Variants in GRIN2B observed in about 807,000 individuals in gnomAD.
GRIN2B encodes glutamate receptor ionotropic, NMDA 2B.
A neutral mutation model predicts 114.5 loss-of-function variants in GRIN2B; 5 were observed. The observed-to-expected ratio is 0.04, with a 90% CI of 0.02 to 0.09. The LOEUF (loss-of-function observed/expected upper bound fraction) is 0.09. GRIN2B is among the 10% of genes least tolerant of loss of function. The pLI, the probability that GRIN2B is intolerant of heterozygous loss-of-function variation, is 1.00. For synonymous variants in GRIN2B, 787 were observed against 745.1 expected (o/e 1.06, Z -0.92); for missense variants, 1,108 against 1,943.5 (o/e 0.57, Z 8.08).
chr12:13,947,098 C>G (rs977418262), intron 2 of GRIN2B, among the ~76,000 whole-genome samples: 2 of 152,124 alleles, frequency 1.3e-5, no homozygotes, highest in African/African-American at 4.8e-5. Flanking sequence ...AACATTAAGT[C>G]CTTTAAAATG....
chr12:13,972,744 C>T (rs1047266844), intron 2 of GRIN2B, among the ~76,000 whole-genome samples: 5 of 152,218 alleles, frequency 3.3e-5, no homozygotes, highest in Non-Finnish European at 7.3e-5. Context: ...GAGGAGGACA[C>T]GTAACCTCCA....
At chr12:13,607,376 A>ATATATAAAATATATATTATATAT (rs1565473767) in intron 10 of GRIN2B, among the ~76,000 whole-genome samples, 1 of 36,280 alleles carries the variant, frequency 2.8e-5, no homozygotes, top group Non-Finnish European at 5.5e-5. Context: ...ATTATATATT[A>ATATATAAAATATATATTATATAT]TATATATAAT....
At chr12:13,762,295 G>A (rs1040309119) in intron 3 of GRIN2B, among the ~76,000 whole-genome samples, 2 of 152,044 alleles carry the variant, frequency 1.3e-5, no homozygotes, top group Non-Finnish European at 2.9e-5. Flanking sequence ...AAGCCACCGC[G>A]CCCAGCCATC....
chr12:13,928,242 G>T (rs1172083567), intron 2 of GRIN2B, among the ~76,000 whole-genome samples: 1 of 150,818 alleles, frequency 6.6e-6, no homozygotes, highest in Non-Finnish European at 1.5e-5. Context: ...GGTAGAGGTT[G>T]TGATGAGCTG....
chr12:13,559,019 G>A lies in GRIN2B; in HGVS notation c.*3764C>T, dbSNP rs939220691. On this transcript the variant is annotated 3_prime_UTR_variant, in exon 14 of 14. Coordinates refer to ENST00000609686, the MANE Select transcript of GRIN2B (RefSeq NM_000834.5). ...ATTCTGAAGAACATGGGAATATTAG[G>A]TGCTCCTGAGGGTATCTGCGGAATC... 1.3e-5 allele frequency: 2 copies of A among 152,204 alleles called. No individual in the cohort carries two copies. The highest frequency in any genetic ancestry group is 4.8e-5 in the African/African-American group (2 of 41,424). The allele number at this position is 152,204 out of a possible 1,614,324, so 9.4% of individuals were successfully genotyped here. A position where few individuals can be genotyped will look rare whatever the true frequency, so the allele number is the denominator to read the frequency against.
intron 4 of GRIN2B, among the ~76,000 whole-genome samples, chr12:13,678,001 T>C (rs1950091878): frequency 1.3e-5 from 2 of 152,164 alleles, no homozygotes; most frequent in Admixed American, 1.3e-4. Flanking sequence ...CTGACAGCAA[T>C]AACTTATGCA....
rs184667142 is a variant in GRIN2B at position 13,801,116 on chromosome 12, A to G, written c.412-47201T>C. On this transcript the variant is annotated intron_variant, in intron 3 of 13. Transcript: ENST00000609686. ...AGGCAAACAATACGTACAATTTGTA[A>G]TAAACCAAAACCTGCCATATCAACA... 2.0e-5 allele frequency among the ~76,000 whole-genome samples: 3 copies of G among 152,286 alleles called. No homozygotes were observed. The East Asian group carries it at 5.8e-4, about 29-fold the overall frequency.
chr12:13,600,200 C>T (rs1949137211), intron 10 of GRIN2B, among the ~76,000 whole-genome samples: 1 of 152,088 alleles, frequency 6.6e-6, no homozygotes, highest in South Asian at 2.1e-4. Context: ...TACCTCCCTC[C>T]CTCCCTTCCT....
At chr12:13,855,928 A>G (rs1224671571) in intron 3 of GRIN2B, among the ~76,000 whole-genome samples, 5 of 152,194 alleles carry the variant, frequency 3.3e-5, no homozygotes, top group Non-Finnish European at 7.3e-5. Context: ...ACCTGACACT[A>G]TGTGCTAGGA....
intron 2 of GRIN2B, among the ~76,000 whole-genome samples, chr12:13,907,023 A>C (rs1178576161): frequency 6.6e-6 from 1 of 152,210 alleles, no homozygotes; most frequent in Non-Finnish European, 1.5e-5. Context: ...ACATAAATCA[A>C]ATGATATGGA....
intron 4 of GRIN2B, among the ~76,000 whole-genome samples, chr12:13,737,136 G>C (rs1565518729): frequency 1.3e-5 from 2 of 151,694 alleles, no homozygotes; most frequent in Non-Finnish European, 2.9e-5. Context: ...ATTAATAAAT[G>C]CTTCTTAATA....
chr12:13,790,672 G>GA (rs749209092), intron 3 of GRIN2B, among the ~76,000 whole-genome samples: 12 of 152,306 alleles, frequency 7.9e-5, no homozygotes, highest in Non-Finnish European at 1.6e-4. Context: ...CAGTTGGTTT[G>GA]AAGGGGCATG....
At chr12:13,759,584 T>C (rs920284268) in intron 3 of GRIN2B, among the ~76,000 whole-genome samples, 2 of 152,160 alleles carry the variant, frequency 1.3e-5, no homozygotes, top group Non-Finnish European at 2.9e-5. Flanking sequence ...GAAACCCCTC[T>C]TGTAAAAGGC....
At chr12:13,648,925 G>A (rs1386209726) in intron 5 of GRIN2B, among the ~76,000 whole-genome samples, 1 of 152,002 alleles carries the variant, frequency 6.6e-6, no homozygotes, top group African/African-American at 2.4e-5. Flanking sequence ...GCTATGTGTG[G>A]TTGACATCAC....
intron 10 of GRIN2B, among the ~76,000 whole-genome samples, chr12:13,604,788 C>G (rs1949214580): frequency 6.6e-6 from 1 of 151,408 alleles, no homozygotes; most frequent in Non-Finnish European, 1.5e-5. Flanking sequence ...AACTCTCTTT[C>G]TGATTTATAT....
chr12:13,737,179 G>C (rs1426413934), intron 4 of GRIN2B, among the ~76,000 whole-genome samples: 1 of 151,912 alleles, frequency 6.6e-6, no homozygotes, highest in African/African-American at 2.4e-5. Flanking sequence ...TACACTTATG[G>C]GGAAGAGACT....
intron 5 of GRIN2B, among the ~76,000 whole-genome samples, chr12:13,669,470 G>A (rs576265840): frequency 3.5e-4 from 54 of 152,132 alleles, no homozygotes; most frequent in African/African-American, 1.2e-3. Flanking sequence ...GTTGTCAAAC[G>A]GTGGTATCAG....
At chr12:13,667,126 C>T (rs1949983891) in intron 5 of GRIN2B, among the ~76,000 whole-genome samples, 1 of 152,104 alleles carries the variant, frequency 6.6e-6, no homozygotes, top group African/African-American at 2.4e-5. Context: ...CTGAATTTTA[C>T]AAGCCCTCAA....
chr12:13,784,849 C>G (rs1336299747), intron 3 of GRIN2B, among the ~76,000 whole-genome samples: 1 of 152,228 alleles, frequency 6.6e-6, no homozygotes, highest in East Asian at 1.9e-4. Context: ...AGCAAAGAAG[C>G]CTACCAACCA....
Sources: allele counts gnomAD v4.1 joint callset (sites outside exome capture counted in the v4.1 genomes callset), GRCh38; gene constraint gnomAD v4.1.1; transcripts MANE v1.5; gene names NCBI Gene and HGNC (gene_info 2026-07-23, HGNC 2026-07-21).